SDK1: variants seen among roughly 807,000 people sequenced by gnomAD.
SDK1 encodes the protein protein sidekick-1.
A neutral mutation model predicts 245.5 loss-of-function variants in SDK1; 157 were observed. The observed-to-expected ratio is 0.64, with a 90% CI of 0.56 to 0.73. The LOEUF (loss-of-function observed/expected upper bound fraction) is 0.73. SDK1 is among the 30% of genes least tolerant of loss of function. SDK1 has a pLI of 0.00. For synonymous variants in SDK1, 1,647 were observed against 1,278.5 expected, an observed-to-expected ratio of 1.29 and a Z score of -6.15; for missense variants, 3,583 against 3,002.3, an observed-to-expected ratio of 1.19 and a Z score of -4.52.
chr7:4,052,375 CAA>C (rs1778923264), intron 19 of SDK1, among the ~76,000 whole-genome samples: 1 of 151,788 alleles, frequency 6.6e-6, no homozygotes, highest in Non-Finnish European at 1.5e-5. Context: ...CAGATGCACA[CAA>C]AGATTTATAT....
rs184838979 is a variant in SDK1 at position 3,727,481 on chromosome 7, T to G, written c.713+85376T>G. 3.1e-4 allele frequency among the ~76,000 whole-genome samples: 47 copies of G among 152,260 alleles called. 1 individual carries two copies. The highest frequency in any genetic ancestry group is 1.1e-3 in the African/African-American group (44 of 41,562). ...TGGTTCTGCTCTGCCATCCTCTTTTTGCCAGGGAGAGAATTTTCTTTTTTT... is the reference window on the plus strand; with the variant it reads ...TGGTTCTGCTCTGCCATCCTCTTTTGGCCAGGGAGAGAATTTTCTTTTTTT... On this transcript the variant is annotated intron_variant, in intron 4 of 44. Transcript: ENST00000404826.
At chr7:3,547,916 A>G (rs1425612366) in intron 1 of SDK1, among the ~76,000 whole-genome samples, 2 of 152,206 alleles carry the variant, frequency 1.3e-5, no homozygotes, top group South Asian at 2.1e-4. Flanking sequence ...ATGTTCCAGT[A>G]CCTTCTTTGT....
rs117341118 is a variant in SDK1 at position 4,048,442 on chromosome 7, A to G, written c.2603-906A>G. 4.1e-3 allele frequency among the ~76,000 whole-genome samples: 622 copies of G among 152,108 alleles called. 1 individual carries two copies. Among genetic ancestry groups the G allele is most frequent in the Non-Finnish European group, 5.7e-3 (390 of 67,962 alleles). ...GCCGTGCTGCTGGGCACGGTAGACA[A>G]TCCCAGCGAGACCCGCGCACTGTCA... On this transcript the variant is annotated intron_variant, in intron 17 of 44. Coordinates refer to ENST00000404826, the MANE Select transcript of SDK1 (RefSeq NM_152744.4).
chr7:3,604,517 A>G (rs1467241274), intron 1 of SDK1, among the ~76,000 whole-genome samples: 1 of 151,080 alleles, frequency 6.6e-6, no homozygotes, highest in Non-Finnish European at 1.5e-5. Context: ...ATATTTTGAT[A>G]TGCTGTATTT....
intron 17 of SDK1, among the ~76,000 whole-genome samples, chr7:4,020,211 G>A (rs1786776345): frequency 6.6e-6 from 1 of 152,156 alleles, no homozygotes; most frequent in African/African-American, 2.4e-5. Flanking sequence ...ACTGGCCAGA[G>A]TGTTAGGACA....
chr7:4,052,058 G>GGT (rs1441174128), intron 19 of SDK1, among the ~76,000 whole-genome samples: 3 of 152,024 alleles, frequency 2.0e-5, no homozygotes, highest in Non-Finnish European at 4.4e-5. Flanking sequence ...AGGAGCTCTG[G>GGT]GGACAGGGGG....
chr7:4,148,776 A>G (rs564403362), intron 29 of SDK1, among the ~76,000 whole-genome samples: 1 of 152,334 alleles, frequency 6.6e-6, no homozygotes, highest in South Asian at 2.1e-4. Context: ...ATAGCTGCTC[A>G]GCTGGGTGTA....
At chr7:3,686,490 A>G (rs17133636) in intron 4 of SDK1, among the ~76,000 whole-genome samples, 24,850 of 152,254 alleles carry the variant, frequency 0.16, 2,899 homozygotes, top group East Asian at 0.41. Flanking sequence ...GGGCTGTACA[A>G]GGACACATAT....
intron 1 of SDK1, among the ~76,000 whole-genome samples, chr7:3,479,373 T>A (rs1381245892): frequency 1.5e-5 from 2 of 132,750 alleles, no homozygotes; most frequent in Non-Finnish European, 3.1e-5. Context: ...AGTGAGCCGA[T>A]ATTGTGCCAC....
chr7:4,110,831 C>T, intron 23 of SDK1, 59 bp downstream of exon 23: 1 of 1,164,166 alleles, frequency 8.6e-7, no homozygotes, highest in South Asian at 1.2e-5. Context: ...AGGCAGGTGC[C>T]TTCTGTTGGC....
At chr7:4,211,646 G>A (rs193136415) in intron 38 of SDK1, among the ~76,000 whole-genome samples, 1 of 152,086 alleles carries the variant, frequency 6.6e-6, no homozygotes, top group African/African-American at 2.4e-5. Flanking sequence ...GTCTTGCTCT[G>A]TCTCCCAGGC....
chr7:4,009,640 A>G (rs919113274), intron 14 of SDK1, among the ~76,000 whole-genome samples: 3 of 152,250 alleles, frequency 2.0e-5, no homozygotes, highest in Admixed American at 6.5e-5. Flanking sequence ...CCAGAAAGCC[A>G]TTTTTGGAAG....
At chr7:3,456,942 G>C (rs1190650483) in intron 1 of SDK1, among the ~76,000 whole-genome samples, 4 of 152,108 alleles carry the variant, frequency 2.6e-5, no homozygotes, top group African/African-American at 7.2e-5. Context: ...CTTGCTGTTT[G>C]GGTGTCTTTT....
intron 30 of SDK1, among the ~76,000 whole-genome samples, chr7:4,151,184 AC>A (rs1780355608): frequency 6.6e-6 from 1 of 152,070 alleles, no homozygotes; most frequent in South Asian, 2.1e-4. Flanking sequence ...ACCATCGGGA[AC>A]CCATGCTGCG....
At chr7:3,665,636 G>A (rs1783501223) in intron 4 of SDK1, among the ~76,000 whole-genome samples, 1 of 152,148 alleles carries the variant, frequency 6.6e-6, no homozygotes, top group Non-Finnish European at 1.5e-5. Flanking sequence ...GGGAGGGAGT[G>A]CCACAGCAAG....
intron 1 of SDK1, among the ~76,000 whole-genome samples, chr7:3,418,458 G>A (rs1277684519): frequency 6.6e-6 from 1 of 152,126 alleles, no homozygotes; most frequent in Non-Finnish European, 1.5e-5. Context: ...AGAGCCTAGA[G>A]GTTTCTGATC....
intron 5 of SDK1, among the ~76,000 whole-genome samples, chr7:3,859,736 T>A (rs900773761): frequency 6.6e-6 from 1 of 152,136 alleles, no homozygotes; most frequent in Non-Finnish European, 1.5e-5. Flanking sequence ...AGGGGTTAAG[T>A]CAACACTGAG....
At chr7:3,637,111 G>GTGTGTA (rs60078934) in intron 2 of SDK1, among the ~76,000 whole-genome samples, 9 of 150,960 alleles carry the variant, frequency 6.0e-5, no homozygotes, top group African/African-American at 2.2e-4. Flanking sequence ...GTGTGTGTGT[G>GTGTGTA]TTTTGAGAGA....
chr7:4,033,124 C>G (rs1000506393), intron 17 of SDK1, among the ~76,000 whole-genome samples: 3 of 151,964 alleles, frequency 2.0e-5, no homozygotes, highest in Admixed American at 1.3e-4. Context: ...AGAAGATGTC[C>G]GGAACAGAAC....
Sources: allele counts gnomAD v4.1 joint callset (sites outside exome capture counted in the v4.1 genomes callset), GRCh38; gene constraint gnomAD v4.1.1; transcripts MANE v1.5; gene names NCBI Gene and HGNC (gene_info 2026-07-23, HGNC 2026-07-21).